Variants in SLC36A1 observed in about 807,000 individuals in gnomAD.
The protein encoded by SLC36A1 is solute carrier family 36 member 1, also known as proton-coupled amino acid transporter 1.
Under a neutral mutation model 47.5 loss-of-function variants are expected in SLC36A1, and 30 were observed. That is an observed-to-expected ratio of 0.63 (90% confidence interval 0.47 to 0.86). The LOEUF (loss-of-function observed/expected upper bound fraction) is 0.86. Ranked by LOEUF, SLC36A1 falls within the 40% of genes least tolerant of loss-of-function variation. The pLI, the probability that SLC36A1 is intolerant of heterozygous loss-of-function variation, is 0.00. For missense variants in SLC36A1, 517 were observed against 606.0 expected (o/e 0.85, Z 1.54); for synonymous variants, 255 against 249.7 (o/e 1.02, Z -0.20).
At position 151,441,632 on chromosome 5, in the gene SLC36A1, A is replaced by G. The variant is rs150746812; in HGVS notation, c.-6+4453A>G. ...ATAGGGTTTGGAGAACAATACACACATGCTGGCACCTGTAAACCTTTGGAG... is the reference window on the plus strand; with the variant it reads ...ATAGGGTTTGGAGAACAATACACACGTGCTGGCACCTGTAAACCTTTGGAG... On this transcript the variant is annotated intron_variant, in intron 1 of 8. Transcript: ENST00000429484. Among the ~76,000 whole-genome samples the G allele has an allele frequency of 2.9e-3, 448 of 152,306 alleles. 4 individuals are homozygous for G. The highest frequency in any genetic ancestry group is 0.012 in the South Asian group (57 of 4,824).
At chr5:151,537,329 GA>G in the SLC36A1 span, among the ~76,000 whole-genome samples, 3 of 101,668 alleles carry the variant, frequency 3.0e-5, no homozygotes, top group Non-Finnish European at 6.2e-5. Context: ...GAGAAAAAAA[GA>G]AAGAAAAGAA....
chr5:151,400,809 T>A, the SLC36A1 span, among the ~76,000 whole-genome samples: 3 of 152,214 alleles, frequency 2.0e-5, no homozygotes, highest in Admixed American at 2.0e-4. Flanking sequence ...GGTGGCCACT[T>A]GTATGTCTTC....
the SLC36A1 span, among the ~76,000 whole-genome samples, chr5:151,405,434 C>A: frequency 6.8e-6 from 1 of 146,710 alleles, no homozygotes; most frequent in Non-Finnish European, 1.5e-5. Flanking sequence ...ACTGTAGCCT[C>A]AACCTCCTGG....
the SLC36A1 span, among the ~76,000 whole-genome samples, chr5:151,550,205 T>A: frequency 6.6e-6 from 1 of 152,128 alleles, no homozygotes; most frequent in East Asian, 1.9e-4. Context: ...CCTCCTTACA[T>A]TTTGTGTCCT....
chr5:151,411,299 A>G, the SLC36A1 span, among the ~76,000 whole-genome samples: 2 of 144,618 alleles, frequency 1.4e-5, 1 homozygote, highest in Non-Finnish European at 3.0e-5. Flanking sequence ...ATGGATACCT[A>G]CGGGATGATC....
the SLC36A1 span, among the ~76,000 whole-genome samples, chr5:151,399,084 A>ATATATATATATATATATATATATATT: frequency 1.7e-5 from 1 of 60,068 alleles, no homozygotes; most frequent in Admixed American, 2.3e-4. Context: ...ATATATATAT[A>ATATATATATATATATATATATATATT]TTTTTTTTTT....
At chr5:151,544,379 G>A in the SLC36A1 span, 1 of 1,614,192 alleles carries the variant, frequency 6.2e-7, no homozygotes, top group Admixed American at 1.7e-5. Flanking sequence ...AATGACCCCA[G>A]AGCTGTATCC....
the SLC36A1 span, among the ~76,000 whole-genome samples, chr5:151,423,563 C>A: frequency 6.6e-6 from 1 of 152,174 alleles, no homozygotes; most frequent in African/African-American, 2.4e-5. Context: ...CTTATTTCAA[C>A]TATATGACAC....
chr5:151,345,774 A>G, the SLC36A1 span, among the ~76,000 whole-genome samples: 2 of 152,272 alleles, frequency 1.3e-5, no homozygotes, highest in African/African-American at 4.8e-5. Context: ...TAAGTCATGC[A>G]AAGCACCAAA....
At chr5:151,524,322 T>G in the SLC36A1 span, among the ~76,000 whole-genome samples, 1 of 152,230 alleles carries the variant, frequency 6.6e-6, no homozygotes, top group Non-Finnish European at 1.5e-5. Flanking sequence ...AGTGCCTGTT[T>G]TGGACTCTAT....
chr5:151,507,096 T>G, the SLC36A1 span: 5 of 1,464,800 alleles, frequency 3.4e-6, no homozygotes, highest in East Asian at 2.3e-5. Flanking sequence ...ACGGAGTGTT[T>G]AGAACCACCA....
chr5:151,553,802 A>G, the SLC36A1 span, among the ~76,000 whole-genome samples: 2 of 152,182 alleles, frequency 1.3e-5, no homozygotes, highest in African/African-American at 4.8e-5. Flanking sequence ...ATCTGATTTA[A>G]TCCTCACAAT....
At chr5:151,550,599 C>T in the SLC36A1 span, 1 of 1,614,006 alleles carries the variant, frequency 6.2e-7, no homozygotes, top group Admixed American at 1.7e-5. Context: ...CCATGACTGT[C>T]AGTGTGTGCT....
intron 9 of SLC36A1, among the ~76,000 whole-genome samples, chr5:151,478,976 TATCACACC>T (rs1356258679): frequency 2.0e-5 from 3 of 152,244 alleles, no homozygotes; most frequent in Admixed American, 6.5e-5. Context: ...GATAGTTTCA[TATCACACC>T]ATCACACCTA....
chr5:151,448,402 C>G (rs1753140939), intron 1 of SLC36A1, among the ~76,000 whole-genome samples: 1 of 152,222 alleles, frequency 6.6e-6, no homozygotes, highest in African/African-American at 2.4e-5. Flanking sequence ...TAGTCCTCTC[C>G]CTTTTTAGCT....
the SLC36A1 span, among the ~76,000 whole-genome samples, chr5:151,501,719 A>G: frequency 1.3e-5 from 2 of 148,574 alleles, no homozygotes; most frequent in Non-Finnish European, 2.9e-5. Flanking sequence ...CTGAGGAATG[A>G]GAGGCCTAAC....
chr5:151,510,519 GTCA>G, the SLC36A1 span: 1 of 194,368 alleles, frequency 5.1e-6, no homozygotes, highest in Non-Finnish European at 1.1e-5. Context: ...GTTGGTGACT[GTCA>G]TCATCCTCAT....
chr5:151,510,365 A>G, the SLC36A1 span: 395 of 586,514 alleles, frequency 6.7e-4, 3 homozygotes, highest in African/African-American at 6.7e-3. Flanking sequence ...CCCTGCCCTC[A>G]AACAGCTTAC....
chr5:151,473,771 G>A lies in SLC36A1; in HGVS notation c.822G>A (p.Met274Ile). Residue 274 changes from methionine to isoleucine, a missense_variant and splice_region_variant, in exon 8 of 11, where the codon ATG (methionine) becomes ATA (isoleucine). Transcript: ENST00000243389. ...TTTTTTCATTTGAAGGCATTGGAATGGTAAGAGCTGCACTGTGATTTGGGC... is the reference window on the plus strand; with the variant it reads ...TTTTTTCATTTGAAGGCATTGGAATAGTAAGAGCTGCACTGTGATTTGGGC... ...TAIFSFEGIG[M>I]VLPLENKMKD... is the part of the protein sequence containing the mutation. 2 of 1,610,682 alleles carry A rather than the reference G, an allele frequency of 1.2e-6. No homozygotes were observed. Among genetic ancestry groups the A allele is most frequent in the Non-Finnish European group, 1.7e-6 (2 of 1,176,936 alleles).
Sources: allele counts gnomAD v4.1 joint callset (sites outside exome capture counted in the v4.1 genomes callset), GRCh38; gene constraint gnomAD v4.1.1; transcripts MANE v1.5; gene names NCBI Gene and HGNC (gene_info 2026-07-23, HGNC 2026-07-21).